Variants in PRKCE observed in about 807,000 individuals in gnomAD.
PRKCE encodes protein kinase C epsilon.
A neutral mutation model predicts 85.4 loss-of-function variants in PRKCE; 16 were observed. The observed-to-expected ratio is 0.19, with a 90% CI of 0.13 to 0.28. The LOEUF (loss-of-function observed/expected upper bound fraction) is 0.28. Ranked by LOEUF, PRKCE falls within the 10% of genes least tolerant of loss-of-function variation. PRKCE has a pLI of 1.00. For synonymous variants in PRKCE, 388 were observed against 371.5 expected, an observed-to-expected ratio of 1.04 and a Z score of -0.51; for missense variants, 573 against 975.2, an observed-to-expected ratio of 0.59 and a Z score of 5.49.
chr2:45,965,825 C>T (rs1701694116), intron 2 of PRKCE, among the ~76,000 whole-genome samples: 1 of 151,798 alleles, frequency 6.6e-6, no homozygotes, highest in Non-Finnish European at 1.5e-5. Context: ...TACACACTAT[C>T]GACATGTTTC....
intron 2 of PRKCE, among the ~76,000 whole-genome samples, chr2:45,875,914 G>T (rs991338305): frequency 1.3e-5 from 2 of 152,162 alleles, no homozygotes; most frequent in African/African-American, 4.8e-5. Flanking sequence ...CTCAGAAAAT[G>T]CTAAATAACT....
chr2:45,926,489 G>T (rs1366580690), intron 2 of PRKCE, among the ~76,000 whole-genome samples: 2 of 152,132 alleles, frequency 1.3e-5, no homozygotes, highest in East Asian at 3.9e-4. Flanking sequence ...TAAAGAGGAG[G>T]GGATGTTGCC....
At chr2:45,852,564 T>A (rs1336182648) in intron 2 of PRKCE, among the ~76,000 whole-genome samples, 5 of 152,186 alleles carry the variant, frequency 3.3e-5, no homozygotes, top group Non-Finnish European at 7.3e-5. Context: ...AGCCAGGAGA[T>A]GTCCAGCAAC....
chr2:45,750,411 A>G (rs1038303202), intron 1 of PRKCE, among the ~76,000 whole-genome samples: 1 of 152,152 alleles, frequency 6.6e-6, no homozygotes, highest in Non-Finnish European at 1.5e-5. Context: ...CTGTTGATTT[A>G]AGCACTTATA....
intron 1 of PRKCE, among the ~76,000 whole-genome samples, chr2:45,680,961 C>T (rs1224504835): frequency 6.6e-6 from 1 of 152,164 alleles, no homozygotes; most frequent in African/African-American, 2.4e-5. Context: ...ACTCTAGTAA[C>T]TTATGTATTA....
intron 1 of PRKCE, among the ~76,000 whole-genome samples, chr2:45,805,919 A>T (rs1184347014): frequency 1.3e-5 from 2 of 152,100 alleles, no homozygotes; most frequent in African/African-American, 4.8e-5. Flanking sequence ...TCTTTATCCT[A>T]TCACAACTCT....
intron 9 of PRKCE, among the ~76,000 whole-genome samples, chr2:46,008,220 C>T (rs7602129): frequency 0.81 from 122,547 of 152,144 alleles, 49,797 homozygotes; most frequent in Middle Eastern, 0.91. Flanking sequence ...TCTCATGCCT[C>T]GGATCAGGGT....
At chr2:45,899,042 TG>T (rs1696368730) in intron 2 of PRKCE, among the ~76,000 whole-genome samples, 1 of 152,358 alleles carries the variant, frequency 6.6e-6, no homozygotes, top group East Asian at 1.9e-4. Flanking sequence ...TGCTAGAGGC[TG>T]GGGAGACTGT....
chr2:45,992,913 C>G (rs1018064747), intron 6 of PRKCE, among the ~76,000 whole-genome samples: 7 of 152,320 alleles, frequency 4.6e-5, no homozygotes, highest in South Asian at 4.1e-4. Flanking sequence ...ATAGTAGGTC[C>G]TCAACAAATG....
chr2:46,016,516 G>A (rs186648375), intron 10 of PRKCE, among the ~76,000 whole-genome samples: 169 of 152,278 alleles, frequency 1.1e-3, no homozygotes, highest in African/African-American at 3.6e-3. Context: ...CCCAGGGGCA[G>A]AGAAGGATGT....
At chr2:46,066,856 CAG>C in intron 10 of PRKCE, among the ~76,000 whole-genome samples, 1 of 152,230 alleles carries the variant, frequency 6.6e-6, no homozygotes, top group Non-Finnish European at 1.5e-5. Context: ...ACTAAGTTGG[CAG>C]AGTTTTATCT....
chr2:45,908,885 C>A (rs976922322), intron 2 of PRKCE, among the ~76,000 whole-genome samples: 1 of 152,130 alleles, frequency 6.6e-6, no homozygotes, highest in Admixed American at 6.5e-5. Context: ...TCATACCCCT[C>A]TCCTTCCTCT....
intron 1 of PRKCE, among the ~76,000 whole-genome samples, chr2:45,792,214 T>C (rs1443896458): frequency 6.6e-6 from 1 of 152,088 alleles, no homozygotes; most frequent in African/African-American, 2.4e-5. Context: ...GTGTCCTGGC[T>C]TTTAACAACC....
chr2:45,699,151 T>C (rs1678404231), intron 1 of PRKCE, among the ~76,000 whole-genome samples: 1 of 151,876 alleles, frequency 6.6e-6, no homozygotes, highest in South Asian at 2.1e-4. Flanking sequence ...TGCCCCCAAC[T>C]CCCTCCTGTC....
At position 46,055,684 on chromosome 2, in the gene PRKCE, G is replaced by A. The variant is rs138293298; in HGVS notation, c.1438-30524G>A. The stretch of plus-strand genomic sequence containing the variant: ...AAGTCTAATTTTTTTTTTTTGAGGA[G>A]GGTCTTGCTCTGTTGCCCTGTTGGC... On this transcript the variant is annotated intron_variant, in intron 10 of 14. Coordinates refer to ENST00000306156, the MANE Select transcript of PRKCE (RefSeq NM_005400.3). 4.3e-4 allele frequency among the ~76,000 whole-genome samples: 65 copies of A among 151,710 alleles called. 3 individuals are homozygous for A. The highest frequency in any genetic ancestry group is 1.5e-3 in the African/African-American group (63 of 41,344).
At chr2:45,696,276 T>TA (rs1362961603) in intron 1 of PRKCE, among the ~76,000 whole-genome samples, 1 of 151,984 alleles carries the variant, frequency 6.6e-6, no homozygotes, top group African/African-American at 2.4e-5. Flanking sequence ...TTTTAAATTA[T>TA]AAAAAAAGGC....
intron 13 of PRKCE, among the ~76,000 whole-genome samples, chr2:46,154,648 C>T (rs188812883): frequency 2.7e-3 from 405 of 152,174 alleles, no homozygotes; most frequent in African/African-American, 9.2e-3. Flanking sequence ...GCTGCTTCTC[C>T]ATCTCCTTTG....
At chr2:45,826,223 C>G (rs13409215) in intron 1 of PRKCE, among the ~76,000 whole-genome samples, 18,485 of 152,074 alleles carry the variant, frequency 0.12, 1,983 homozygotes, top group African/African-American at 0.28. Flanking sequence ...ACTACAGATC[C>G]ATATCTTTTA....
chr2:45,771,934 T>C (rs533693303), intron 1 of PRKCE, among the ~76,000 whole-genome samples: 3 of 152,214 alleles, frequency 2.0e-5, no homozygotes, highest in Admixed American at 1.3e-4. Context: ...GTCATTGCCA[T>C]GGGGCCCAAA....
Sources: gnomAD v4.1 joint callset for allele counts (sites outside exome capture counted in the v4.1 genomes callset) on GRCh38, gnomAD v4.1.1 for gene constraint, MANE v1.5 for transcripts, NCBI Gene and HGNC (gene_info 2026-07-23, HGNC 2026-07-21) for gene names.